DDX21: variants seen among roughly 807,000 people sequenced by gnomAD.
The protein encoded by DDX21 is nucleolar RNA helicase 2.
In DDX21, 18 loss-of-function variants were observed where a neutral mutation model predicts 90.0. The ratio of observed to expected loss-of-function variants is 0.20; its 90% CI spans 0.14 to 0.30. The LOEUF is 0.30. DDX21 is among the 10% of genes least tolerant of loss of function. The probability of loss-of-function intolerance (pLI) is 1.00; values close to 1 mark genes in which losing one functional copy is unlikely to be tolerated. For missense variants in DDX21, 673 were observed against 944.5 expected (o/e 0.71, Z 3.77); for synonymous variants, 294 against 318.0 (o/e 0.92, Z 0.80).
chr10:68,966,615 G>A (rs1003973351), intron 5 of DDX21, among the ~76,000 whole-genome samples: 3 of 151,612 alleles, frequency 2.0e-5, no homozygotes, highest in Non-Finnish European at 4.4e-5. Context: ...GTTAATTTTT[G>A]TAGTTTTAGT....
chr10:68,981,448 T>C, intron 13 of DDX21, 89 bp from the exon 14 acceptor site: 1 of 1,248,564 alleles, frequency 8.0e-7, no homozygotes, highest in Non-Finnish European at 1.1e-6. Context: ...GTTTTTTGTT[T>C]TCTTTTTTTT....
chr10:68,976,501 A>T (rs1225355171), intron 11 of DDX21, among the ~76,000 whole-genome samples: 1 of 152,100 alleles, frequency 6.6e-6, no homozygotes, highest in Non-Finnish European at 1.5e-5. Flanking sequence ...GTTAGCCAGG[A>T]TGGTCTCAAT....
rs762141510 is a variant in DDX21 at position 68,959,795 on chromosome 10, AT to A, written c.88-3del. On this transcript the variant is annotated splice_polypyrimidine_tract_variant and intron_variant, in intron 1 of 14. Transcript: ENST00000354185. The stretch of plus-strand genomic sequence containing the variant: ...TTCAGTGTTTGTATTTTCCTTATGA[AT>A]TTTTTTTAGAAAGAGAAAAAAGAGA... 63 of 1,518,378 alleles carry A rather than the reference AT, an allele frequency of 4.1e-5. No individual in the cohort carries two copies. Among genetic ancestry groups the A allele is most frequent in the Non-Finnish European group, 4.7e-5 (54 of 1,140,190 alleles). 94.1% of individuals were successfully genotyped at this position (1,518,378 alleles called of 1,614,324 possible).
intron 8 of DDX21, among the ~76,000 whole-genome samples, chr10:68,970,955 ATTTTTTTTTTTTTTT>A (rs56314802): frequency 2.3e-4 from 17 of 72,556 alleles, no homozygotes; most frequent in Non-Finnish European, 3.8e-4. Flanking sequence ...GCCCAGCCTA[ATTTTTTTTTTTTTTT>A]TTTTTTTTTT....
chr10:68,982,925 C>A lies in DDX21; in HGVS notation c.*113C>A. 7.5e-7 allele frequency: 1 copy of A among 1,333,716 alleles called. No homozygotes were observed. The highest frequency in any genetic ancestry group is 1.0e-6 in the Non-Finnish European group (1 of 980,332). 82.6% of individuals were successfully genotyped at this position (1,333,716 alleles called of 1,614,324 possible). ...CATTGTGCCTCCTTTTGACCACTTG[C>A]CAAGTCCCTGTCTCTTTCAGACACA... On this transcript the variant is annotated 3_prime_UTR_variant, in exon 15 of 15. Transcript: ENST00000354185.
At chr10:68,974,550 A>G in intron 10 of DDX21, 120 bp from the exon 11 acceptor site, 1 of 739,322 alleles carries the variant, frequency 1.4e-6, no homozygotes, top group African/African-American at 1.8e-5. Flanking sequence ...CTAAAATTAA[A>G]AGTTCATTTT....
chr10:68,975,629 G>A (rs1843087198), intron 11 of DDX21, among the ~76,000 whole-genome samples: 1 of 152,186 alleles, frequency 6.6e-6, no homozygotes, highest in Non-Finnish European at 1.5e-5. Flanking sequence ...AATAGTTCAG[G>A]AAAGTTTTGT....
Position 68,956,271 on chromosome 10 carries a change from G to A in DDX21, c.46G>A (p.Ala16Thr). 3 of 1,614,106 alleles carry A rather than the reference G, an allele frequency of 1.9e-6. No individual in the cohort carries two copies. Among genetic ancestry groups the A allele is most frequent in the Non-Finnish European group, 1.7e-6 (2 of 1,179,982 alleles). The change falls in exon 1 of 15, where the codon GCA becomes ACA. Residue 16 changes from alanine (A) to threonine (T), a missense_variant. By Grantham distance (58) the Ala-to-Thr change is moderately conservative. This residue lies in a region of DDX21 where 204 missense variants were observed against 221.6 expected (regional missense o/e 0.92). Coordinates refer to ENST00000354185, the MANE Select transcript of DDX21 (RefSeq NM_004728.4). Reference sequence around the variant, plus strand: ...TGACGCTGGTTTGGAATCAGACACCGCAATGAAAAAAGGGGAGACACTGCG... The same window carrying A: ...TGACGCTGGTTTGGAATCAGACACCACAATGAAAAAAGGGGAGACACTGCG... Reference protein sequence around the residue: ...RSDAGLESDTAMKKGETLRKQ... With the variant: ...RSDAGLESDTTMKKGETLRKQ...
chr10:68,980,783 GA>G (rs1278286715), intron 13 of DDX21, among the ~76,000 whole-genome samples: 1 of 137,670 alleles, frequency 7.3e-6, no homozygotes, highest in African/African-American at 2.7e-5. Context: ...GAGCTGGGAA[GA>G]TAATTCTTGA....
Position 68,973,525 on chromosome 10 carries a change from C to T in DDX21, c.1549-20C>T, listed in dbSNP as rs1158625782. The stretch of plus-strand genomic sequence containing the variant: ...CTCTCTTTTTTGGTTTAGTGTTACT[C>T]ATGTATTTTACTTCAATAGGATGTA... On this transcript the variant is annotated intron_variant, in intron 9 of 14. Transcript: ENST00000354185. 7 of 1,613,548 alleles carry T rather than the reference C, an allele frequency of 4.3e-6. No homozygotes were observed. The highest frequency in any genetic ancestry group is 5.9e-6 in the Non-Finnish European group (7 of 1,179,770).
chr10:68,962,006 G>A (rs1842877373), intron 2 of DDX21, 76 bp from the exon 3 acceptor site: 3 of 1,186,684 alleles, frequency 2.5e-6, no homozygotes, highest in Non-Finnish European at 2.4e-6. Context: ...AGCTTGTTTT[G>A]TCTCTTTCTC....
intron 11 of DDX21, 93 bp from the exon 12 acceptor site, chr10:68,977,436 A>G (rs1326485450): frequency 1.6e-6 from 2 of 1,222,896 alleles, no homozygotes; most frequent in Non-Finnish European, 1.1e-6. Context: ...CATGTGAAAG[A>G]TTTGGAAAGT....
At chr10:68,977,053 G>A (rs1843111556) in intron 11 of DDX21, among the ~76,000 whole-genome samples, 1 of 151,872 alleles carries the variant, frequency 6.6e-6, no homozygotes. Context: ...TGGGACTACA[G>A]GCATGTGCCA....
chr10:68,970,499 T>G, intron 8 of DDX21, 149 bp downstream of exon 8: 3 of 871,394 alleles, frequency 3.4e-6, no homozygotes, highest in Middle Eastern at 3.6e-4. Flanking sequence ...TTTTTTTTTT[T>G]TTTTAATTGA....
chr10:68,964,116 A>G (rs938054538), intron 4 of DDX21: 21 of 431,086 alleles, frequency 4.9e-5, no homozygotes, highest in East Asian at 1.4e-4. Context: ...AAAAAAAAAA[A>G]AAAAGAAAAG....
chr10:68,956,524 G>T (rs1842796721), intron 1 of DDX21: 1 of 1,416,580 alleles, frequency 7.1e-7, no homozygotes, highest in East Asian at 2.7e-5. Flanking sequence ...GGTCCGCCGT[G>T]CGCTGACCTC....
chr10:68,981,859 G>T (rs1224987071), intron 14 of DDX21, among the ~76,000 whole-genome samples: 3 of 151,854 alleles, frequency 2.0e-5, no homozygotes, highest in African/African-American at 7.3e-5. Flanking sequence ...TTTTGTGTGT[G>T]TGTGTGTGTG....
Position 68,983,923 on chromosome 10 carries a change from G to C in DDX21, c.*1111G>C, listed in dbSNP as rs1436288736. 2.6e-5 allele frequency: 4 copies of C among 152,186 alleles called. No homozygotes were observed. Among genetic ancestry groups the C allele is most frequent in the African/African-American group, 9.7e-5 (4 of 41,448 alleles). 9.4% of individuals were successfully genotyped at this position (152,186 alleles called of 1,614,324 possible). On this transcript the variant is annotated 3_prime_UTR_variant, in exon 15 of 15. Coordinates refer to ENST00000354185, the MANE Select transcript of DDX21 (RefSeq NM_004728.4). ...CAGTGGCCTAGTTCCTAAAGCCACA[G>C]TATAGGATCTGTTAAACTGAATGTC...
chr10:68,967,846 G>A (rs1842960589), intron 6 of DDX21, among the ~76,000 whole-genome samples: 1 of 151,350 alleles, frequency 6.6e-6, no homozygotes, highest in African/African-American at 2.4e-5. Flanking sequence ...AAATAGTTCT[G>A]TTTAGCCACT....
Sources: gnomAD v4.1 joint callset for allele counts (sites outside exome capture counted in the v4.1 genomes callset) on GRCh38, gnomAD v4.1.1 for gene constraint, gnomAD v4.1.1 regional missense constraint, MANE v1.5 for transcripts, NCBI Gene and HGNC (gene_info 2026-07-23, HGNC 2026-07-21) for gene names.